UBE2Z: variants seen among roughly 807,000 people sequenced by gnomAD.
UBE2Z encodes ubiquitin conjugating enzyme E2 Z.
Under a neutral mutation model 32.6 loss-of-function variants are expected in UBE2Z, and 10 were observed. The observed-to-expected ratio is 0.31, with a 90% CI of 0.19 to 0.52. UBE2Z has a LOEUF of 0.52. UBE2Z is among the 20% of genes least tolerant of loss of function. The probability of loss-of-function intolerance (pLI) is 0.97; values close to 1 mark genes in which losing one functional copy is unlikely to be tolerated. For missense variants in UBE2Z, 343 were observed against 480.9 expected (o/e 0.71, Z 2.68); for synonymous variants, 183 against 190.8 (o/e 0.96, Z 0.34).
chr17:48,920,970 A>T (rs2143771452), intron 4 of UBE2Z, among the ~76,000 whole-genome samples, 190 bp from the exon 5 acceptor site: 1 of 152,032 alleles, frequency 6.6e-6, no homozygotes, highest in Non-Finnish European at 1.5e-5. Context: ...GTATATTTGG[A>T]GGGTGGTGGA....
intron 4 of UBE2Z, among the ~76,000 whole-genome samples, chr17:48,920,476 G>A (rs1304193738): frequency 6.6e-6 from 1 of 151,870 alleles, no homozygotes; most frequent in Non-Finnish European, 1.5e-5. Flanking sequence ...CAGCCTGGGT[G>A]ACGAGCAAAA....
chr17:48,916,996 G>A (rs1170916664), intron 4 of UBE2Z, among the ~76,000 whole-genome samples: 4 of 150,668 alleles, frequency 2.7e-5, no homozygotes, highest in Admixed American at 2.0e-4. Flanking sequence ...AGCGAAACTC[G>A]GTCCCCCCAC....
chr17:48,910,545 T>C (rs946960611), intron 1 of UBE2Z: 9 of 386,658 alleles, frequency 2.3e-5, no homozygotes, highest in Admixed American at 1.1e-4. Context: ...TTTGATGCCA[T>C]TGGGATCTCT....
At chr17:48,910,775 C>T in intron 1 of UBE2Z, 33 bp from the exon 2 acceptor site, 2 of 1,549,568 alleles carry the variant, frequency 1.3e-6, no homozygotes, top group Non-Finnish European at 1.8e-6. Context: ...CTCTTCCTCA[C>T]TCCTTCCCCC....
intron 4 of UBE2Z, 76 bp from the exon 5 acceptor site, chr17:48,921,084 C>T (rs938025187): frequency 2.0e-5 from 24 of 1,203,540 alleles, no homozygotes; most frequent in Non-Finnish European, 2.9e-5. Flanking sequence ...ATACCCCATA[C>T]TAATCTTGAA....
At chr17:48,909,343 TCA>T (rs752063108) in intron 1 of UBE2Z, among the ~76,000 whole-genome samples, 6 of 151,930 alleles carry the variant, frequency 3.9e-5, no homozygotes, top group Non-Finnish European at 7.4e-5. Flanking sequence ...TCCGTTTTTC[TCA>T]GATTCCCTCC....
chr17:48,917,838 T>TA (rs1394203286), intron 4 of UBE2Z, among the ~76,000 whole-genome samples: 1 of 152,204 alleles, frequency 6.6e-6, no homozygotes. Flanking sequence ...CTCCCACTCT[T>TA]CCGATGTGCC....
chr17:48,915,935 CAG>C, intron 3 of UBE2Z, 139 bp from the exon 4 acceptor site: 1 of 437,838 alleles, frequency 2.3e-6, no homozygotes, highest in Non-Finnish European at 4.0e-6. Context: ...GAGCATGAGA[CAG>C]AGGCTGGGAA....
intron 6 of UBE2Z, among the ~76,000 whole-genome samples, chr17:48,925,737 A>G (rs1233528600): frequency 6.6e-6 from 1 of 152,192 alleles, no homozygotes; most frequent in Non-Finnish European, 1.5e-5. Flanking sequence ...CAAGATTTGC[A>G]GAATTGACAG....
intron 2 of UBE2Z, chr17:48,911,575 G>C (rs980124297): frequency 2.6e-5 from 4 of 152,194 alleles, no homozygotes; most frequent in Non-Finnish European, 5.9e-5. Context: ...GAAACACATA[G>C]TTTTCTTACA....
At chr17:48,919,523 C>T (rs2040744440) in intron 4 of UBE2Z, among the ~76,000 whole-genome samples, 1 of 152,212 alleles carries the variant, frequency 6.6e-6, no homozygotes, top group Admixed American at 6.5e-5. Context: ...GTCACCCAGG[C>T]TGGAGTACAG....
At position 48,908,503 on chromosome 17, in the gene UBE2Z, G is replaced by A; in HGVS notation, c.-1G>A. ...CGAGTAGTCCCGGAAGCGAAGCAGC[G>A]ATGGCGGAGAGTCCGACTGAGGAGG... On this transcript the variant is annotated 5_prime_UTR_variant, in exon 1 of 7. Coordinates refer to ENST00000360943, the MANE Select transcript of UBE2Z (RefSeq NM_023079.5). 4.0e-6 allele frequency: 5 copies of A among 1,234,596 alleles called. No homozygotes were observed. Among genetic ancestry groups the A allele is most frequent in the East Asian group, 3.2e-5 (1 of 31,652 alleles). 76.5% of individuals were successfully genotyped at this position (1,234,596 alleles called of 1,614,324 possible).
rs1362527997 is a variant in UBE2Z at position 48,928,525 on chromosome 17, T to C, written c.*1391T>C. ...CATGCATAAGGGAGAGGATAGTGTGTACCTGCCCTGCCCTCTGCTATGAAG... is the reference window on the plus strand; with the variant it reads ...CATGCATAAGGGAGAGGATAGTGTGCACCTGCCCTGCCCTCTGCTATGAAG... On this transcript the variant is annotated 3_prime_UTR_variant, in exon 7 of 7. Transcript: ENST00000360943. 6.5e-6 allele frequency: 1 copy of C among 152,714 alleles called. No homozygotes were observed. The highest frequency in any genetic ancestry group is 1.5e-5 in the Non-Finnish European group (1 of 68,154). 9.5% of individuals were successfully genotyped at this position (152,714 alleles called of 1,614,324 possible).
At chr17:48,922,988 A>G in intron 6 of UBE2Z, 51 bp downstream of exon 6, 2 of 1,515,964 alleles carry the variant, frequency 1.3e-6, no homozygotes. Flanking sequence ...TGGCCATGTA[A>G]AAGCCCCCCA....
In UBE2Z at chr17:48,927,842, C is replaced by G. The variant is rs2040807847; in HGVS notation, c.*708C>G. ...GATGTAAGACAGAAAGTAAATGTGA[C>G]TGGGACTTAACCAAGGTCTTGGTAA... On this transcript the variant is annotated 3_prime_UTR_variant, in exon 7 of 7. Coordinates refer to ENST00000360943, the MANE Select transcript of UBE2Z (RefSeq NM_023079.5). 6.6e-6 allele frequency: 1 copy of G among 152,650 alleles called. No individual in the cohort carries two copies. 9.5% of individuals were successfully genotyped at this position (152,650 alleles called of 1,614,324 possible).
rs1174761637 is a variant in UBE2Z, at chr17:48,908,608, C to G, written c.105C>G (p.Gly35=). 4.4e-5 allele frequency: 55 copies of G among 1,236,836 alleles called. No homozygotes were observed. The highest frequency in any genetic ancestry group is 5.4e-5 in the Non-Finnish European group (53 of 987,522). The allele number at this position is 1,236,836 out of a possible 1,614,324, so 76.6% of individuals were successfully genotyped here. Residue 35 remains glycine, a synonymous_variant, in exon 1 of 7, where the codon GGC becomes GGG. Transcript: ENST00000360943. ...AGVVGVSGSG[G]GFGPPFLPDV... is the part of the protein sequence containing the mutation. The stretch of plus-strand genomic sequence containing the variant: ...TTGTTGGCGTTAGCGGCAGCGGCGG[C>G]GGGTTCGGGCCGCCTTTCCTGCCGG...
chr17:48,916,885 A>G (rs1297342850), intron 4 of UBE2Z, among the ~76,000 whole-genome samples: 1 of 151,964 alleles, frequency 6.6e-6, no homozygotes, highest in Non-Finnish European at 1.5e-5. Context: ...ACCTGTCTCT[A>G]CTAAAAATAA....
intron 1 of UBE2Z, chr17:48,910,564 T>C (rs2040668652): frequency 4.8e-6 from 2 of 418,074 alleles, no homozygotes. Flanking sequence ...CTGATTTTTT[T>C]CCTCTCTCCC....
chr17:48,914,548 G>A (rs548899422), intron 3 of UBE2Z, among the ~76,000 whole-genome samples: 1 of 152,256 alleles, frequency 6.6e-6, no homozygotes, highest in Admixed American at 6.5e-5. Flanking sequence ...AAATTTAGTC[G>A]TTGCTTCTGT....
Sources: allele counts gnomAD v4.1 joint callset (sites outside exome capture counted in the v4.1 genomes callset), GRCh38; gene constraint gnomAD v4.1.1; transcripts MANE v1.5; gene names NCBI Gene and HGNC (gene_info 2026-07-23, HGNC 2026-07-21).